Variants in SLC2A1 observed in about 807,000 individuals in gnomAD.
SLC2A1 encodes the protein solute carrier family 2 member 1.
A neutral mutation model predicts 46.6 loss-of-function variants in SLC2A1; 4 were observed. That is an observed-to-expected ratio of 0.09 (90% CI 0.04 to 0.20). SLC2A1 has a LOEUF of 0.20. Among genes scored for constraint, SLC2A1 ranks in the 10% least tolerant of loss-of-function variants. The pLI, the probability that SLC2A1 is intolerant of heterozygous loss-of-function variation, is 1.00. For synonymous variants in SLC2A1, 253 were observed against 270.0 expected (o/e 0.94, Z 0.62); for missense variants, 352 against 667.0 (o/e 0.53, Z 5.20).
intron 1 of SLC2A1, among the ~76,000 whole-genome samples, chr1:42,950,846 G>T (rs376434696): frequency 1.3e-5 from 2 of 152,020 alleles, no homozygotes; most frequent in Non-Finnish European, 2.9e-5. Context: ...TGGGGGGCGC[G>T]CGCCTGTAAT....
intron 2 of SLC2A1, among the ~76,000 whole-genome samples, chr1:42,931,809 G>C (rs1276535402): frequency 7.1e-6 from 1 of 139,920 alleles, no homozygotes; most frequent in African/African-American, 2.6e-5. Flanking sequence ...CTGAGTGACA[G>C]AGTGAGACTC....
At position 42,954,588 on chromosome 1, in the gene SLC2A1, G is replaced by A. The variant is rs1006230814; in HGVS notation, c.18+4046C>T. On this transcript the variant is annotated intron_variant, in intron 1 of 9. Transcript: ENST00000426263. This position sits in a 1 kb window ranked among gnomAD's most constrained non-coding sequence, Gnocchi z 4.2. Reference sequence around the variant, plus strand: ...AAATCTTTTGTGATAGCCTTATCTCGGACAAATCTCTTCCCTTCTCTGGAC... The same window carrying A: ...AAATCTTTTGTGATAGCCTTATCTCAGACAAATCTCTTCCCTTCTCTGGAC... Among the ~76,000 whole-genome samples the A allele has an allele frequency of 8.5e-5, 13 of 152,120 alleles. No homozygotes were observed. The highest frequency in any genetic ancestry group is 1.8e-4 in the Non-Finnish European group (12 of 68,014).
intron 2 of SLC2A1, among the ~76,000 whole-genome samples, chr1:42,941,366 C>A (rs1643596152): frequency 6.6e-6 from 1 of 152,176 alleles, no homozygotes; most frequent in East Asian, 1.9e-4. Flanking sequence ...ACCTCCCCAA[C>A]CTTTCCCCTC....
rs774072555 is a variant in SLC2A1 at position 42,931,222 on chromosome 1, C to T, written c.115-16G>A. 1 of 1,612,196 alleles carries T rather than the reference C, an allele frequency of 6.2e-7. No individual in the cohort carries two copies. The highest frequency in any genetic ancestry group is 8.5e-7 in the Non-Finnish European group (1 of 1,178,480). On this transcript the variant is annotated splice_polypyrimidine_tract_variant and intron_variant, in intron 2 of 9. Coordinates refer to ENST00000426263, the MANE Select transcript of SLC2A1 (RefSeq NM_006516.4). ...CCTCGATCACCTGCAGGGGGAGATG[C>T]AGCCTGGGTGAGCAAGCCAGGGGCC...
chr1:42,926,103 C>G lies in SLC2A1; in HGVS notation c.*938G>C, dbSNP rs565725067. 4 of 152,744 alleles carry G rather than the reference C, an allele frequency of 2.6e-5. No homozygotes were observed. Among genetic ancestry groups the G allele is most frequent in the African/African-American group, 9.6e-5 (4 of 41,552 alleles). The allele number at this position is 152,744 out of a possible 1,614,324, so 9.5% of individuals were successfully genotyped here. A position where few individuals can be genotyped will look rare whatever the true frequency, so the allele number is the denominator to read the frequency against. On this transcript the variant is annotated 3_prime_UTR_variant, in exon 10 of 10. Transcript: ENST00000426263. ...TGGTTGCAACCCCACTTACTTCTGT[C>G]TCACTCCCATCCAAACCTCCTACCC...
intron 1 of SLC2A1, among the ~76,000 whole-genome samples, chr1:42,955,529 G>A (rs527903845): frequency 9.2e-5 from 14 of 152,284 alleles, no homozygotes; most frequent in African/African-American, 3.1e-4. Context: ...AGAATCGCTT[G>A]AGCCTGGGAG....
At chr1:42,940,326 A>G (rs1643584472) in intron 2 of SLC2A1, among the ~76,000 whole-genome samples, 1 of 152,100 alleles carries the variant, frequency 6.6e-6, no homozygotes, top group Non-Finnish European at 1.5e-5. Context: ...GCATTCAGCA[A>G]TGTGGAGAGG....
chr1:42,935,922 T>A (rs941491626), intron 2 of SLC2A1, among the ~76,000 whole-genome samples: 1 of 152,224 alleles, frequency 6.6e-6, no homozygotes, highest in Non-Finnish European at 1.5e-5. Context: ...GAGCCACATA[T>A]GGCCTCTGTC....
chr1:42,927,360 A>T lies in SLC2A1; in HGVS notation c.1279-119T>A, dbSNP rs890787081. 3.2e-6 allele frequency: 3 copies of T among 949,722 alleles called. No homozygotes were observed. In the African/African-American group the frequency reaches 4.9e-5, roughly 15 times the overall value. The allele number at this position is 949,722 out of a possible 1,614,324, so 58.8% of individuals were successfully genotyped here. A position where few individuals can be genotyped will look rare whatever the true frequency, so the allele number is the denominator to read the frequency against. On this transcript the variant is annotated intron_variant, in intron 9 of 9. Transcript: ENST00000426263. The surrounding 1 kb of genome is among the most constrained non-coding windows in gnomAD (Gnocchi z 5.3). ...CTGAAAAGGGAACATCCACCTACCC[A>T]GGGATGCTATCATAATTAACTGAGA...
rs1203196041 is a variant in SLC2A1, at chr1:42,931,069, G to A, written c.252C>T (p.Gly84=). 6.2e-7 allele frequency: 1 copy of A among 1,614,174 alleles called. No homozygotes were observed. Among genetic ancestry groups the A allele is most frequent in the East Asian group, 2.2e-5 (1 of 44,882 alleles). ...ACCGGCCAAAGCGGTTAACGAAAAG[G>A]CCCACAGAGAAGGAGCCAATCATGC... ...VGGMIGSFSV[G]LFVNRFGRRN... The change falls in exon 3 of 10, where the codon GGC becomes GGT. Residue 84 remains glycine (G), a synonymous_variant. Transcript: ENST00000426263.
At chr1:42,945,939 C>T (rs1275531858) in intron 1 of SLC2A1, among the ~76,000 whole-genome samples, 1 of 152,068 alleles carries the variant, frequency 6.6e-6, no homozygotes, top group Non-Finnish European at 1.5e-5. Context: ...TTTCATATTA[C>T]TTAGAACAAA....
intron 1 of SLC2A1, chr1:42,952,438 T>A: frequency 2.1e-6 from 1 of 471,258 alleles, no homozygotes; most frequent in South Asian, 1.5e-5. Flanking sequence ...AGGACTTCCA[T>A]CACCAGGTTG....
At chr1:42,947,196 T>C (rs1341319076) in intron 1 of SLC2A1, among the ~76,000 whole-genome samples, 2 of 152,136 alleles carry the variant, frequency 1.3e-5, no homozygotes, top group African/African-American at 4.8e-5. Flanking sequence ...TGATGAACAG[T>C]TGGTGATGAC....
chr1:42,945,738 C>CAAAAAAAAAAAAAAA (rs1166067644), intron 1 of SLC2A1, among the ~76,000 whole-genome samples: 1 of 115,448 alleles, frequency 8.7e-6, no homozygotes, highest in Non-Finnish European at 2.0e-5. Context: ...GACTCTGTCT[C>CAAAAAAAAAAAAAAA]AAAAAAAAAA....
chr1:42,958,544 G>C, intron 1 of SLC2A1, 90 bp downstream of exon 1: 2 of 1,142,746 alleles, frequency 1.8e-6, no homozygotes, highest in South Asian at 3.7e-5. Context: ...ACAGCGCAGC[G>C]GGGCGGCGGG....
chr1:42,931,326 C>T lies in SLC2A1; in HGVS notation c.115-120G>A, dbSNP rs1643487861. On this transcript the variant is annotated intron_variant, in intron 2 of 9. Coordinates refer to ENST00000426263, the MANE Select transcript of SLC2A1 (RefSeq NM_006516.4). ...AGGGCCTGGCTCTGCCACAGATTCA[C>T]TGCATGTTCTTGAGCCAAGTCCCTC... is the stretch of plus-strand genomic sequence containing the variant. 4 of 984,882 alleles carry T rather than the reference C, an allele frequency of 4.1e-6. No individual in the cohort carries two copies. The South Asian group carries it at 6.7e-5, about 17-fold the overall frequency. The allele number at this position is 984,882 out of a possible 1,614,324, so 61.0% of individuals were successfully genotyped here. A position where few individuals can be genotyped will look rare whatever the true frequency, so the allele number is the denominator to read the frequency against.
Position 42,954,317 on chromosome 1 carries a change from G to A in SLC2A1, c.18+4317C>T, listed in dbSNP as rs138303306. ...GCGGATCACCTGAGGTCTGGAGTTC[G>A]AGACCAGCTTGACCAACATGAAGAA... On this transcript the variant is annotated intron_variant, in intron 1 of 9. Transcript: ENST00000426263. The surrounding 1 kb of genome is among the most constrained non-coding windows in gnomAD (Gnocchi z 4.2). 2.3e-3 allele frequency among the ~76,000 whole-genome samples: 347 copies of A among 152,148 alleles called. 1 individual carries two copies. Among genetic ancestry groups the A allele is most frequent in the African/African-American group, 8.0e-3 (332 of 41,512 alleles).
At position 42,925,359 on chromosome 1, in the gene SLC2A1, C is replaced by T. The variant is rs1046448042; in HGVS notation, c.*1682G>A. ...AAAGCAAACTTCTCCCAGATTTTGTCAGCTGAGCCTCTAGAGACAAATATC... is the reference window on the plus strand; with the variant it reads ...AAAGCAAACTTCTCCCAGATTTTGTTAGCTGAGCCTCTAGAGACAAATATC... On this transcript the variant is annotated 3_prime_UTR_variant, in exon 10 of 10. Transcript: ENST00000426263. The T allele has an allele frequency of 7.9e-5, 12 of 152,208 alleles. No individual in the cohort carries two copies. The highest frequency in any genetic ancestry group is 2.9e-4 in the African/African-American group (12 of 41,436). 9.4% of individuals were successfully genotyped at this position (152,208 alleles called of 1,614,324 possible).
chr1:42,947,567 CACACACACACACACA>C (rs1557652795), intron 1 of SLC2A1, among the ~76,000 whole-genome samples: 2 of 96,602 alleles, frequency 2.1e-5, no homozygotes, highest in African/African-American at 4.8e-5. Flanking sequence ...ACTAAAATTA[CACACACACACACACA>C]AAAAAAAAAA....
Sources: allele counts gnomAD v4.1 joint callset (sites outside exome capture counted in the v4.1 genomes callset), GRCh38; gene constraint gnomAD v4.1.1; non-coding constraint Gnocchi (gnomAD v3.1); transcripts MANE v1.5; gene names NCBI Gene and HGNC (gene_info 2026-07-23, HGNC 2026-07-21).